PCDH15: variants seen among roughly 807,000 people sequenced by gnomAD.
PCDH15 encodes the protein protocadherin related 15.
PCDH15 carries 129 observed loss-of-function variants against 178.5 expected under a neutral mutation model. The ratio of observed to expected loss-of-function variants is 0.72; its 90% CI spans 0.63 to 0.84. The LOEUF (loss-of-function observed/expected upper bound fraction) is 0.84, where lower values mean the gene tolerates loss of function less well. PCDH15 is among the 40% of genes least tolerant of loss of function. The pLI, the probability that PCDH15 is intolerant of heterozygous loss-of-function variation, is 0.00. For missense variants in PCDH15, 2,230 were observed against 2,099.9 expected (o/e 1.06, Z -1.21); for synonymous variants, 800 against 732.0 (o/e 1.09, Z -1.50).
intron 1 of PCDH15, among the ~76,000 whole-genome samples, chr10:55,264,944 A>G (rs554524885): frequency 9.9e-4 from 151 of 152,270 alleles, no homozygotes; most frequent in African/African-American, 3.5e-3. Context: ...AGATTGACCC[A>G]GCCCTCCTGT....
chr10:53,976,388 C>A (rs2090182785), intron 21 of PCDH15, among the ~76,000 whole-genome samples: 2 of 152,076 alleles, frequency 1.3e-5, no homozygotes, highest in Admixed American at 6.6e-5. Flanking sequence ...TGATCTCACA[C>A]CCCCTTCTCC....
At chr10:55,449,709 C>T (rs1011026945) in intron 2 of PCDH15, among the ~76,000 whole-genome samples, 1 of 152,084 alleles carries the variant, frequency 6.6e-6, no homozygotes, top group African/African-American at 2.4e-5. Flanking sequence ...ACTATCACTA[C>T]AAATTTTAAT....
chr10:53,857,189 T>G lies in PCDH15; in HGVS notation c.3792A>C (p.Ile1264=). ...AAATCAATTACTCTGTAAGATCTTC[T>G]ATCTTTTTTTCCACTAGAGTAGGAG... is the stretch of plus-strand genomic sequence containing the variant. ...NVPPTLVEKK[I]EDLTEILDRY... is the part of the protein sequence containing the mutation. The change falls in exon 28 of 38, where the codon ATA becomes ATC. Residue 1264 remains isoleucine, a synonymous_variant. Coordinates refer to ENST00000644397, the MANE Select transcript of PCDH15 (RefSeq NM_001384140.1). 1 of 1,600,272 alleles carries G rather than the reference T, an allele frequency of 6.2e-7. No individual in the cohort carries two copies. The highest frequency in any genetic ancestry group is 8.6e-7 in the Non-Finnish European group (1 of 1,167,920).
At chr10:55,344,855 A>G (rs1454132231) in intron 2 of PCDH15, among the ~76,000 whole-genome samples, 3 of 152,146 alleles carry the variant, frequency 2.0e-5, no homozygotes, top group Non-Finnish European at 2.9e-5. Flanking sequence ...AAAAGGTCCA[A>G]GGATTGCACT....
At chr10:55,200,771 T>G (rs1208786469) in intron 1 of PCDH15, among the ~76,000 whole-genome samples, 1 of 152,010 alleles carries the variant, frequency 6.6e-6, no homozygotes, top group Non-Finnish European at 1.5e-5. Context: ...TGAGTTCTCA[T>G]GAGATTTGGT....
chr10:54,600,035 A>G, intron 2 of PCDH15: 1 of 1,335,990 alleles, frequency 7.5e-7, no homozygotes, highest in Non-Finnish European at 1.0e-6. Flanking sequence ...GAAGTGGGGA[A>G]AGGTGAACAG....
chr10:54,074,693 A>AT (rs1327549083), intron 17 of PCDH15, among the ~76,000 whole-genome samples: 2 of 152,148 alleles, frequency 1.3e-5, no homozygotes, highest in South Asian at 2.1e-4. Context: ...TCTGCTTTCA[A>AT]TTTTTTTGAT....
chr10:54,718,069 C>T (rs745585266), intron 1 of PCDH15, among the ~76,000 whole-genome samples: 1 of 149,874 alleles, frequency 6.7e-6, no homozygotes, highest in African/African-American at 2.5e-5. Flanking sequence ...AATGGGAACA[C>T]GTGGACACAG....
chr10:53,995,530 T>G (rs952901629), intron 21 of PCDH15, 119 bp downstream of exon 21: 3 of 1,571,440 alleles, frequency 1.9e-6, no homozygotes, highest in African/African-American at 1.3e-5. Context: ...ATAAAATGTA[T>G]GAATAAATAG....
At chr10:55,257,047 A>G (rs2132230606) in intron 1 of PCDH15, among the ~76,000 whole-genome samples, 1 of 152,296 alleles carries the variant, frequency 6.6e-6, no homozygotes, top group South Asian at 2.1e-4. Context: ...ATGATCAGGT[A>G]GCAACATTTG....
At chr10:54,708,040 G>A (rs1268137485) in intron 1 of PCDH15, among the ~76,000 whole-genome samples, 4 of 152,176 alleles carry the variant, frequency 2.6e-5, no homozygotes, top group African/African-American at 9.6e-5. Context: ...GGAAAAGCAT[G>A]AGAAAATATA....
chr10:54,693,373 T>A lies in PCDH15; in HGVS notation c.-28-29083A>T, dbSNP rs992469250. Reference sequence around the variant, plus strand: ...CTTAAACACATGTGTAACAACACCATGTGTTAGTTAATCCTATCATAATAT... The same window carrying A: ...CTTAAACACATGTGTAACAACACCAAGTGTTAGTTAATCCTATCATAATAT... On this transcript the variant is annotated intron_variant, in intron 1 of 37. Coordinates refer to ENST00000644397, the MANE Select transcript of PCDH15 (RefSeq NM_001384140.1). 3.9e-5 allele frequency among the ~76,000 whole-genome samples: 6 copies of A among 152,292 alleles called. No individual in the cohort carries two copies. In the East Asian group the frequency reaches 1.2e-3, roughly 29 times the overall value.
At chr10:54,157,136 C>G (rs2045239468) in intron 13 of PCDH15, among the ~76,000 whole-genome samples, 1 of 152,182 alleles carries the variant, frequency 6.6e-6, no homozygotes, top group Admixed American at 6.5e-5. Flanking sequence ...CTCTGGAGGA[C>G]AGTGGCACTC....
At chr10:55,102,948 T>C (rs1842605241) in intron 2 of PCDH15, among the ~76,000 whole-genome samples, 1 of 152,110 alleles carries the variant, frequency 6.6e-6, no homozygotes, top group Non-Finnish European at 1.5e-5. Context: ...ATCTATCTTA[T>C]CTTCATGTTG....
chr10:54,291,981 A>T (rs2059444370), intron 8 of PCDH15, among the ~76,000 whole-genome samples: 1 of 152,240 alleles, frequency 6.6e-6, no homozygotes, highest in Admixed American at 6.5e-5. Context: ...CGAGGCCAGC[A>T]TCATCCTGAT....
chr10:53,843,562 T>G (rs1295150957), intron 28 of PCDH15, among the ~76,000 whole-genome samples: 3 of 151,984 alleles, frequency 2.0e-5, no homozygotes, highest in Non-Finnish European at 4.4e-5. Context: ...TGATTTTGAG[T>G]TTACCTTTTA....
chr10:54,742,676 G>A (rs1944961775), intron 1 of PCDH15, among the ~76,000 whole-genome samples: 1 of 151,950 alleles, frequency 6.6e-6, no homozygotes, highest in South Asian at 2.1e-4. Flanking sequence ...GTGAAGTCGG[G>A]ACATGTTCTT....
At chr10:54,164,957 C>T (rs554404012) in intron 13 of PCDH15, among the ~76,000 whole-genome samples, 1 of 152,256 alleles carries the variant, frequency 6.6e-6, no homozygotes, top group African/African-American at 2.4e-5. Flanking sequence ...CAGTCTGAAC[C>T]TAAGGCTGCT....
chr10:55,504,700 G>GA (rs935114101), intron 2 of PCDH15, among the ~76,000 whole-genome samples: 2 of 151,232 alleles, frequency 1.3e-5, no homozygotes, highest in African/African-American at 4.8e-5. Flanking sequence ...TATTACTAAT[G>GA]AAAAACATTA....
Sources: allele counts gnomAD v4.1 joint callset (sites outside exome capture counted in the v4.1 genomes callset), GRCh38; gene constraint gnomAD v4.1.1; transcripts MANE v1.5; gene names NCBI Gene and HGNC (gene_info 2026-07-23, HGNC 2026-07-21).